Variants in BMP1 observed in about 807,000 individuals in gnomAD.
BMP1 encodes bone morphogenetic protein 1, also known as mammalian tolloid protein.
BMP1 carries 63 observed loss-of-function variants against 116.8 expected under a neutral mutation model. The ratio of observed to expected loss-of-function variants is 0.54; its 90% CI spans 0.44 to 0.67. The LOEUF (loss-of-function observed/expected upper bound fraction) is 0.67. Among genes scored for constraint, BMP1 ranks in the 30% least tolerant of loss-of-function variants. The pLI is 0.00. For missense variants in BMP1, 1,183 were observed against 1,358.9 expected, an observed-to-expected ratio of 0.87 and a Z score of 2.04; for synonymous variants, 536 against 533.4, an observed-to-expected ratio of 1.00 and a Z score of -0.07.
chr8:22,207,632 C>T, intron 18 of BMP1, 116 bp downstream of exon 18: 1 of 1,214,192 alleles, frequency 8.2e-7, no homozygotes, highest in South Asian at 1.4e-5. Flanking sequence ...CGACCCAGGG[C>T]CAGGGTTGTG....
intron 19 of BMP1, among the ~76,000 whole-genome samples, chr8:22,210,469 C>T (rs1371633183): frequency 1.4e-5 from 1 of 70,578 alleles, no homozygotes; most frequent in Admixed American, 1.3e-4. Flanking sequence ...CTCTCTCTCT[C>T]ACACACATAC....
rs201380519 is a variant in BMP1, at chr8:22,177,048, C to T, written c.639C>T (p.His213=). ...GTGACAAGTTCGGCATTGTGGTCCA[C>T]GAGCTGGGCCACGTCGTCGGCTTCT... is the stretch of plus-strand genomic sequence containing the variant. ...KNCDKFGIVV[H]ELGHVVGFWH... The change falls in exon 5 of 20, where the codon CAC becomes CAT. Residue 213 remains histidine, a synonymous_variant. Coordinates refer to ENST00000306385, the MANE Select transcript of BMP1 (RefSeq NM_006129.5). The T allele has an allele frequency of 5.6e-6, 9 of 1,612,838 alleles. No homozygotes were observed. The highest frequency in any genetic ancestry group is 4.5e-5 in the East Asian group (2 of 44,852).
intron 16 of BMP1, 72 bp downstream of exon 16, chr8:22,202,000 C>T (rs374636846): frequency 1.0e-5 from 16 of 1,526,790 alleles, no homozygotes; most frequent in East Asian, 9.2e-5. Context: ...AGAGGATCAT[C>T]TCCATCAGCC....
Position 22,212,061 on chromosome 8 carries a change from G to A in BMP1, c.*333G>A, listed in dbSNP as rs567556443. On this transcript the variant is annotated 3_prime_UTR_variant, in exon 20 of 20. Transcript: ENST00000306385. ...CATCGCCATCCCTGTGTCTCTACACGCTGTATTGTGTATCACCGGGGGCAT... is the reference window on the plus strand; with the variant it reads ...CATCGCCATCCCTGTGTCTCTACACACTGTATTGTGTATCACCGGGGGCAT... The A allele has an allele frequency of 1.1e-5, 4 of 356,124 alleles. No individual in the cohort carries two copies. Among genetic ancestry groups the A allele is most frequent in the East Asian group, 5.3e-5 (1 of 18,926 alleles). 22.1% of individuals were successfully genotyped at this position (356,124 alleles called of 1,614,324 possible).
Position 22,177,159 on chromosome 8 carries a change from TGCGGCCTTGGTGG to T in BMP1, c.730+26_730+38del, listed in dbSNP as rs1828468563. 1.3e-6 allele frequency: 2 copies of T among 1,577,266 alleles called. No homozygotes were observed. Among genetic ancestry groups the T allele is most frequent in the Non-Finnish European group, 1.7e-6 (2 of 1,158,126 alleles). On this transcript the variant is annotated intron_variant, in intron 5 of 19. Coordinates refer to ENST00000306385, the MANE Select transcript of BMP1 (RefSeq NM_006129.5). ...AGCCAGGTAGGTACCTGCCCCTCGG[TGCGGCCTTGGTGG>T]GCGGCTCCCGCCCCAGCCCCCACCT...
chr8:22,209,670 G>A lies in BMP1; in HGVS notation c.2801G>A (p.Arg934Lys), dbSNP rs760839779. 6.2e-7 allele frequency: 1 copy of A among 1,614,088 alleles called. No individual in the cohort carries two copies. The highest frequency in any genetic ancestry group is 8.5e-7 in the Non-Finnish European group (1 of 1,180,014). ...LFDGYDSTAP[R>K]LGRYCGSGPP... ...GACGGCTACGACAGCACAGCCCCCAGGCTGGGGCGCTACTGTGGCTCAGGG... is the reference window on the plus strand; with the variant it reads ...GACGGCTACGACAGCACAGCCCCCAAGCTGGGGCGCTACTGTGGCTCAGGG... The change falls in exon 19 of 20, where the codon AGG becomes AAG. Residue 934 changes from arginine (R) to lysine (K), a missense_variant. Arg to Lys is a conservative substitution (Grantham distance 26, BLOSUM62 2). Coordinates refer to ENST00000306385, the MANE Select transcript of BMP1 (RefSeq NM_006129.5).
Position 22,195,037 on chromosome 8 carries a change from G to A in BMP1, c.1639+118G>A. On this transcript the variant is annotated intron_variant, in intron 12 of 19. Transcript: ENST00000306385. Reference sequence around the variant, plus strand: ...ATATTGATACCAGTGAGACCCCAGGGCTGTGCCCTTAAGGAGCTCTGGGCT... The same window carrying A: ...ATATTGATACCAGTGAGACCCCAGGACTGTGCCCTTAAGGAGCTCTGGGCT... 3 of 1,164,860 alleles carry A rather than the reference G, an allele frequency of 2.6e-6. No individual in the cohort carries two copies. In the East Asian group the frequency reaches 7.3e-5, roughly 28 times the overall value. The allele number at this position is 1,164,860 out of a possible 1,614,324, so 72.2% of individuals were successfully genotyped here.
At chr8:22,184,078 C>T (rs1467433457) in intron 8 of BMP1, among the ~76,000 whole-genome samples, 3 of 152,228 alleles carry the variant, frequency 2.0e-5, no homozygotes, top group Non-Finnish European at 2.9e-5. Context: ...TGCTGCATTT[C>T]AACAATTACT....
At chr8:22,211,414 G>T (rs1008351612) in intron 19 of BMP1, among the ~76,000 whole-genome samples, 180 bp from the exon 20 acceptor site, 2 of 152,100 alleles carry the variant, frequency 1.3e-5, no homozygotes, top group African/African-American at 4.8e-5. Context: ...TTCGGCCCAC[G>T]CCTCCTCCCC....
chr8:22,198,976 C>G, intron 15 of BMP1: 6 of 1,289,576 alleles, frequency 4.7e-6, no homozygotes, highest in Non-Finnish European at 6.1e-6. Context: ...CCCGGGAAAC[C>G]ATTACCTGCT....
intron 9 of BMP1, chr8:22,192,419 G>A: frequency 2.8e-6 from 1 of 362,258 alleles, no homozygotes; most frequent in South Asian, 3.2e-5. Flanking sequence ...CACCCTACGG[G>A]TGCAAGGAGT....
intron 12 of BMP1, 105 bp from the exon 13 acceptor site, chr8:22,195,357 C>T (rs1329388314): frequency 3.5e-6 from 5 of 1,423,820 alleles, no homozygotes; most frequent in Admixed American, 2.5e-5. Context: ...TTCCAGCCAT[C>T]GGGGAGCTGG....
chr8:22,204,458 C>T (rs1340653671), intron 16 of BMP1, among the ~76,000 whole-genome samples: 1 of 152,220 alleles, frequency 6.6e-6, no homozygotes, highest in Non-Finnish European at 1.5e-5. Context: ...CGTGGTGGCT[C>T]ATGCCTGTAA....
chr8:22,195,452 C>T lies in BMP1; in HGVS notation c.1640-10C>T, dbSNP rs775945719. 1.3e-6 allele frequency: 2 copies of T among 1,594,304 alleles called. No homozygotes were observed. Among genetic ancestry groups the T allele is most frequent in the South Asian group, 1.1e-5 (1 of 88,106 alleles). On this transcript the variant is annotated splice_polypyrimidine_tract_variant and intron_variant, in intron 12 of 19. Coordinates refer to ENST00000306385, the MANE Select transcript of BMP1 (RefSeq NM_006129.5). ...CTGGAGTCTGTGACACCCTTTCCTT[C>T]CCACCACAGAGGTGGACGAGTGCTC...
intron 6 of BMP1, among the ~76,000 whole-genome samples, 195 bp downstream of exon 6, chr8:22,178,152 G>A (rs1828508106): frequency 6.6e-6 from 1 of 152,236 alleles, no homozygotes; most frequent in African/African-American, 2.4e-5. Flanking sequence ...TGGGTCTGTG[G>A]CAGGGCCTTA....
At chr8:22,201,767 C>G (rs368895967) in intron 15 of BMP1, 36 bp from the exon 16 acceptor site, 2 of 1,609,954 alleles carry the variant, frequency 1.2e-6, no homozygotes, top group Non-Finnish European at 8.5e-7. Flanking sequence ...CAGCCCTGCA[C>G]AGACCCAGCG....
intron 13 of BMP1, chr8:22,196,322 G>A (rs747635702): frequency 4.7e-5 from 27 of 571,442 alleles, no homozygotes; most frequent in Non-Finnish European, 7.1e-5. Context: ...CTGTGCCCCC[G>A]AGCTGCTCCC....
At chr8:22,207,839 ATACTC>A (rs1829392087) in intron 18 of BMP1, among the ~76,000 whole-genome samples, 1 of 151,996 alleles carries the variant, frequency 6.6e-6, no homozygotes, top group South Asian at 2.1e-4. Flanking sequence ...ACCCTGAAAT[ATACTC>A]TATTCATTCT....
At chr8:22,192,928 T>A (rs1289307815) in intron 9 of BMP1, among the ~76,000 whole-genome samples, 4 of 152,232 alleles carry the variant, frequency 2.6e-5, no homozygotes, top group Admixed American at 6.5e-5. Context: ...CAGACGGATA[T>A]TGCTAACCTC....
Sources: gnomAD v4.1 joint callset for allele counts (sites outside exome capture counted in the v4.1 genomes callset) on GRCh38, gnomAD v4.1.1 for gene constraint, MANE v1.5 for transcripts, NCBI Gene and HGNC (gene_info 2026-07-23, HGNC 2026-07-21) for gene names.